The following CADM2 variants were observed in gnomAD, a reference collection of about 807,000 sequenced individuals.
CADM2 encodes the protein cell adhesion molecule 2.
Under a neutral mutation model 49.8 loss-of-function variants are expected in CADM2, and 12 were observed. The observed-to-expected ratio is 0.24, with a 90% CI of 0.15 to 0.39. The LOEUF is 0.39. Among genes scored for constraint, CADM2 ranks in the 10% least tolerant of loss-of-function variants. The probability of loss-of-function intolerance (pLI) is 1.00; values close to 1 mark genes in which losing one functional copy is unlikely to be tolerated. For missense variants in CADM2, 378 were observed against 492.3 expected (o/e 0.77, Z 2.20); for synonymous variants, 214 against 175.4 (o/e 1.22, Z -1.74).
At chr3:85,550,862 C>A (rs1433298469) in intron 1 of CADM2, among the ~76,000 whole-genome samples, 5 of 152,174 alleles carry the variant, frequency 3.3e-5, no homozygotes, top group Non-Finnish European at 7.3e-5. Flanking sequence ...ATGGTCAAAT[C>A]ATTTCACTGC....
At chr3:85,692,789 G>T (rs1037588718) in intron 1 of CADM2, among the ~76,000 whole-genome samples, 1 of 152,074 alleles carries the variant, frequency 6.6e-6, no homozygotes, top group Non-Finnish European at 1.5e-5. Context: ...AATATTTAGC[G>T]TGTAGCCCTA....
At chr3:85,305,911 A>G (rs2044200988) in intron 1 of CADM2, among the ~76,000 whole-genome samples, 1 of 151,646 alleles carries the variant, frequency 6.6e-6, no homozygotes, top group African/African-American at 2.4e-5. Context: ...ACATTTAGCA[A>G]ATAAACTTGT....
chr3:85,500,575 T>C (rs992931016), intron 1 of CADM2, among the ~76,000 whole-genome samples: 2 of 151,732 alleles, frequency 1.3e-5, no homozygotes, highest in Non-Finnish European at 2.9e-5. Flanking sequence ...TGGAGTGCAG[T>C]GGCATGATCT....
At chr3:85,803,795 T>C (rs1440432782) in intron 3 of CADM2, among the ~76,000 whole-genome samples, 3 of 152,156 alleles carry the variant, frequency 2.0e-5, no homozygotes, top group South Asian at 2.1e-4. Flanking sequence ...TCTACTATTT[T>C]AAATGTTAAA....
At chr3:85,842,252 A>G (rs1049116900) in intron 3 of CADM2, among the ~76,000 whole-genome samples, 4 of 152,106 alleles carry the variant, frequency 2.6e-5, no homozygotes, top group African/African-American at 9.7e-5. Flanking sequence ...CCACAAGAGG[A>G]TTGAATAGAG....
intron 1 of CADM2, among the ~76,000 whole-genome samples, chr3:85,478,613 A>T (rs1013608440): frequency 6.6e-6 from 1 of 151,908 alleles, no homozygotes; most frequent in Non-Finnish European, 1.5e-5. Context: ...AACCCAGGGA[A>T]TTTAATTATT....
chr3:85,144,038 A>G (rs1301331799), intron 1 of CADM2, among the ~76,000 whole-genome samples: 3 of 152,088 alleles, frequency 2.0e-5, no homozygotes, highest in Admixed American at 6.6e-5. Context: ...CTCTCCCTGA[A>G]GTACTTTGCA....
chr3:85,658,615 T>TATATATATATATATATATAC (rs1553656735), intron 1 of CADM2, among the ~76,000 whole-genome samples: 1 of 132,336 alleles, frequency 7.6e-6, no homozygotes, highest in African/African-American at 2.9e-5. Flanking sequence ...TATATATATA[T>TATATATATATATATATATAC]ATACATGTAT....
chr3:85,588,948 A>C (rs2107331547), intron 1 of CADM2, among the ~76,000 whole-genome samples: 1 of 152,116 alleles, frequency 6.6e-6, no homozygotes, highest in Admixed American at 6.6e-5. Flanking sequence ...TCACTGGTAA[A>C]AGTTTATTCT....
chr3:85,793,209 T>G (rs1221585256), intron 2 of CADM2, among the ~76,000 whole-genome samples: 4 of 152,238 alleles, frequency 2.6e-5, no homozygotes, highest in Non-Finnish European at 5.9e-5. Flanking sequence ...GGATATTGAA[T>G]CATTGCTCTT....
chr3:85,681,814 G>C (rs1162725020), intron 1 of CADM2, among the ~76,000 whole-genome samples: 1 of 151,960 alleles, frequency 6.6e-6, no homozygotes, highest in Admixed American at 6.6e-5. Context: ...TTGTTTCATT[G>C]CTTCTTAACT....
intron 1 of CADM2, among the ~76,000 whole-genome samples, chr3:85,633,295 G>A (rs1214201600): frequency 6.6e-6 from 1 of 151,944 alleles, no homozygotes; most frequent in East Asian, 1.9e-4. Flanking sequence ...TAACTTTAAT[G>A]TTCTGTAATA....
chr3:85,577,293 G>T (rs181667776), intron 1 of CADM2, among the ~76,000 whole-genome samples: 2 of 152,244 alleles, frequency 1.3e-5, no homozygotes, highest in East Asian at 1.9e-4. Context: ...TGAAAATGGG[G>T]CCTATAGGAG....
At chr3:85,288,807 A>G (rs751492128) in intron 1 of CADM2, among the ~76,000 whole-genome samples, 2 of 103,596 alleles carry the variant, frequency 1.9e-5, no homozygotes, top group South Asian at 3.6e-4. Flanking sequence ...CTTTTTTTCC[A>G]TCATGGCTAA....
intron 6 of CADM2, among the ~76,000 whole-genome samples, chr3:85,927,891 A>G (rs1328108737): frequency 2.6e-5 from 4 of 152,122 alleles, no homozygotes; most frequent in Non-Finnish European, 5.9e-5. Flanking sequence ...TTATTTATCT[A>G]CAAAATCTGG....
intron 1 of CADM2, among the ~76,000 whole-genome samples, chr3:85,557,690 G>A (rs1290004296): frequency 1.3e-5 from 2 of 151,896 alleles, no homozygotes; most frequent in African/African-American, 2.4e-5. Context: ...TATTCATTTT[G>A]TTGCGGAAAA....
intron 1 of CADM2, among the ~76,000 whole-genome samples, chr3:85,244,517 A>G (rs1016935012): frequency 6.6e-6 from 1 of 152,222 alleles, no homozygotes; most frequent in Admixed American, 6.5e-5. Context: ...AGTAATGTGA[A>G]AAACAGTTTC....
At chr3:85,572,082 A>C (rs2062495683) in intron 1 of CADM2, among the ~76,000 whole-genome samples, 1 of 152,116 alleles carries the variant, frequency 6.6e-6, no homozygotes, top group South Asian at 2.1e-4. Flanking sequence ...GGATCACATG[A>C]GGTCAGGAAG....
At chr3:85,676,063 C>T (rs764026588) in intron 1 of CADM2, among the ~76,000 whole-genome samples, 3 of 152,162 alleles carry the variant, frequency 2.0e-5, no homozygotes, top group Non-Finnish European at 4.4e-5. Flanking sequence ...ACTTGCTGGG[C>T]CGCTCATGGC....
Sources: gnomAD v4.1 joint callset for allele counts (sites outside exome capture counted in the v4.1 genomes callset) on GRCh38, gnomAD v4.1.1 for gene constraint, MANE v1.5 for transcripts, NCBI Gene and HGNC (gene_info 2026-07-23, HGNC 2026-07-21) for gene names.